Variants in KYNU observed in about 807,000 individuals in gnomAD.
KYNU encodes the protein L-kynurenine hydrolase.
KYNU carries 54 observed loss-of-function variants against 59.2 expected under a neutral mutation model. That is an observed-to-expected ratio of 0.91 (90% CI 0.73 to 1.14). KYNU has a LOEUF of 1.14. Among genes scored for constraint, KYNU ranks in the 50% most tolerant of loss-of-function variants. KYNU has a pLI of 0.00. For missense variants in KYNU, 567 were observed against 554.4 expected (o/e 1.02, Z -0.23); for synonymous variants, 177 against 192.0 (o/e 0.92, Z 0.65).
At chr2:143,028,144 T>C (rs1686629796) in intron 10 of KYNU, among the ~76,000 whole-genome samples, 2 of 151,934 alleles carry the variant, frequency 1.3e-5, no homozygotes, top group Non-Finnish European at 2.9e-5. Context: ...TTTATATTTT[T>C]CTCTAAATTG....
chr2:143,007,002 C>T (rs188011549), intron 10 of KYNU, among the ~76,000 whole-genome samples: 2 of 152,216 alleles, frequency 1.3e-5, no homozygotes, highest in African/African-American at 4.8e-5. Context: ...CAGAGCGTCT[C>T]TCCTCCTCCA....
intron 10 of KYNU, among the ~76,000 whole-genome samples, chr2:143,000,775 G>A (rs975498028): frequency 6.6e-6 from 1 of 152,162 alleles, no homozygotes; most frequent in Non-Finnish European, 1.5e-5. Flanking sequence ...AGCTGGGCTT[G>A]TGGAGAAGTC....
At chr2:143,015,439 G>T (rs372902411) in intron 10 of KYNU, among the ~76,000 whole-genome samples, 1 of 152,092 alleles carries the variant, frequency 6.6e-6, no homozygotes, top group African/African-American at 2.4e-5. Context: ...GTGAATAAGT[G>T]TGTGGTAATT....
Position 142,927,682 on chromosome 2 carries a change from G to C in KYNU, c.314G>C (p.Gly105Ala), listed in dbSNP as rs756839567. Reference protein sequence around the residue: ...AKIAAYGHEVGKRPWITGDES... With the variant: ...AKIAAYGHEVAKRPWITGDES... ...AGAGCAGCCTATGGTCATGAAGTGG[G>C]GAAGCGTCCTTGGATTACAGGAGAT... The change falls in exon 4 of 14, where the codon GGG becomes GCG. Residue 105 changes from glycine (G) to alanine (A), a missense_variant. Coordinates refer to ENST00000264170, the MANE Select transcript of KYNU (RefSeq NM_003937.3). 1 of 1,613,268 alleles carries C rather than the reference G, an allele frequency of 6.2e-7. No individual in the cohort carries two copies. The highest frequency in any genetic ancestry group is 1.7e-5 in the Admixed American group (1 of 60,018).
At chr2:142,892,064 C>A (rs1014166371) in intron 2 of KYNU, among the ~76,000 whole-genome samples, 7 of 152,066 alleles carry the variant, frequency 4.6e-5, no homozygotes, top group African/African-American at 1.7e-4. Flanking sequence ...AGATGCATAC[C>A]ACTACACCCA....
At chr2:142,993,300 T>C (rs1685454839) in intron 10 of KYNU, among the ~76,000 whole-genome samples, 1 of 152,008 alleles carries the variant, frequency 6.6e-6, no homozygotes, top group South Asian at 2.1e-4. Context: ...GGAATTGGAG[T>C]TATTGACTTA....
rs142409849 is a variant in KYNU, at chr2:142,947,426, G to A, written c.374-7384G>A. On this transcript the variant is annotated intron_variant, in intron 4 of 13. Transcript: ENST00000264170. Reference sequence around the variant, plus strand: ...AATAAAAGCTAATGTCCCAAACAGCGCTTCCCTGGATATTGCTGTTTCTTT... The same window carrying A: ...AATAAAAGCTAATGTCCCAAACAGCACTTCCCTGGATATTGCTGTTTCTTT... 8.9e-3 allele frequency: 4,785 copies of A among 538,336 alleles called. 37 individuals are homozygous for A. The highest frequency in any genetic ancestry group is 0.018 in the Middle Eastern group (35 of 1,972). The allele number at this position is 538,336 out of a possible 1,614,324, so 33.3% of individuals were successfully genotyped here.
In KYNU at chr2:142,929,021, A is replaced by AAC. The variant is rs1349261454; in HGVS notation, c.373+1281_373+1282insCA. ...ACACCCTGTCTCAAAAAAAAAAAAAAAAAACAAAAAACGAACAACACTCAC... is the reference window on the plus strand; with the variant it reads ...ACACCCTGTCTCAAAAAAAAAAAAAAACAAAACAAAAAACGAACAACACTCAC... On this transcript the variant is annotated intron_variant, in intron 4 of 13. Transcript: ENST00000264170. 1.0e-3 allele frequency among the ~76,000 whole-genome samples: 148 copies of AAC among 147,370 alleles called. 1 individual carries two copies. The highest frequency in any genetic ancestry group is 3.7e-3 in the African/African-American group (142 of 38,624).
intron 2 of KYNU, among the ~76,000 whole-genome samples, chr2:142,903,866 A>G (rs1024965668): frequency 4.6e-5 from 7 of 152,066 alleles, no homozygotes; most frequent in African/African-American, 1.7e-4. Flanking sequence ...TCGCACTGGA[A>G]GCAAGCCCTA....
Position 142,885,482 on chromosome 2 carries a change from C to G in KYNU, c.115C>G (p.Leu39Val), listed in dbSNP as rs1681477068. 5 of 1,614,018 alleles carry G rather than the reference C, an allele frequency of 3.1e-6. No individual in the cohort carries two copies. The East Asian group carries it at 1.1e-4, about 36-fold the overall frequency. The change falls in exon 2 of 14, where the codon CTG (leucine) becomes GTG (valine). Residue 39 changes from leucine (L) to valine (V), a missense_variant. Physicochemically the swap from Leu to Val is conservative, Grantham distance 32. Coordinates refer to ENST00000264170, the MANE Select transcript of KYNU (RefSeq NM_003937.3). ...TCTCCACCTAGATGAGGAAGATAAG[C>G]TGAGGCACTTCAGGGAGTGCTTTTA... ...VALHLDEEDK[L>V]RHFRECFYIP...
chr2:142,984,513 C>T (rs186276071), intron 8 of KYNU, among the ~76,000 whole-genome samples: 1 of 152,062 alleles, frequency 6.6e-6, no homozygotes. Flanking sequence ...AATGGTTGTC[C>T]ATGATATAAA....
intron 3 of KYNU, 142 bp downstream of exon 3, chr2:142,918,871 G>A: frequency 1.1e-6 from 1 of 928,534 alleles, no homozygotes; most frequent in Non-Finnish European, 1.6e-6. Context: ...TTAGTTCCAG[G>A]GCCTCCCTAT....
At chr2:143,013,790 G>A (rs1686179318) in intron 10 of KYNU, among the ~76,000 whole-genome samples, 1 of 152,136 alleles carries the variant, frequency 6.6e-6, no homozygotes, top group Non-Finnish European at 1.5e-5. Flanking sequence ...ATGATATACA[G>A]AACACTCAGG....
intron 4 of KYNU, among the ~76,000 whole-genome samples, chr2:142,948,682 A>G (rs1318857464): frequency 1.3e-5 from 2 of 152,124 alleles, no homozygotes; most frequent in African/African-American, 4.8e-5. Flanking sequence ...TGATTCAATT[A>G]CTTCCCACCA....
At chr2:142,904,560 C>G (rs972634900) in intron 2 of KYNU, among the ~76,000 whole-genome samples, 1 of 152,184 alleles carries the variant, frequency 6.6e-6, no homozygotes, top group East Asian at 1.9e-4. Context: ...TGTCCTAACC[C>G]TTGTAAAGCA....
chr2:142,991,009 A>C (rs1221614547), intron 10 of KYNU, among the ~76,000 whole-genome samples: 1 of 151,936 alleles, frequency 6.6e-6, no homozygotes, highest in Non-Finnish European at 1.5e-5. Context: ...AACAATATGC[A>C]TCAAACAATT....
At chr2:142,998,744 T>TTA (rs1263559221) in intron 10 of KYNU, among the ~76,000 whole-genome samples, 1 of 152,020 alleles carries the variant, frequency 6.6e-6, no homozygotes, top group African/African-American at 2.4e-5. Context: ...GCGCAGAGGC[T>TTA]CATACCTGTA....
intron 10 of KYNU, among the ~76,000 whole-genome samples, chr2:142,996,411 G>T (rs1364477027): frequency 6.6e-6 from 1 of 151,826 alleles, no homozygotes. Flanking sequence ...TAGGGACGGG[G>T]TCTCATTGTG....
At chr2:143,012,110 G>A (rs946029781) in intron 10 of KYNU, among the ~76,000 whole-genome samples, 11 of 151,678 alleles carry the variant, frequency 7.3e-5, no homozygotes, top group Admixed American at 3.9e-4. Flanking sequence ...AAAGCGGAGG[G>A]TGTCCCCAAG....
Sources: gnomAD v4.1 joint callset for allele counts (sites outside exome capture counted in the v4.1 genomes callset) on GRCh38, gnomAD v4.1.1 for gene constraint, MANE v1.5 for transcripts, NCBI Gene and HGNC (gene_info 2026-07-23, HGNC 2026-07-21) for gene names.